DGKK: variants seen among roughly 807,000 people sequenced by gnomAD.
DGKK encodes 142 kDa diacylglycerol kinase.
DGKK carries 35 observed loss-of-function variants against 92.2 expected under a neutral mutation model. The ratio of observed to expected loss-of-function variants is 0.38; its 90% CI spans 0.29 to 0.50. The LOEUF (loss-of-function observed/expected upper bound fraction) is 0.50, where lower values mean the gene tolerates loss of function less well. DGKK is among the 20% of genes least tolerant of loss of function. DGKK has a pLI of 0.92. For missense variants in DGKK, 910 were observed against 992.2 expected, an observed-to-expected ratio of 0.92 and a Z score of 1.11; for synonymous variants, 368 against 360.6, an observed-to-expected ratio of 1.02 and a Z score of -0.23.
chrX:50,410,104 G>T (rs1461054947), intron 4 of DGKK, among the ~76,000 whole-genome samples: 1 of 112,063 alleles, frequency 8.9e-6, no homozygotes, highest in Non-Finnish European at 1.9e-5. Context: ...TGAGAAGTGA[G>T]GAGTACTGCT....
rs1328453890 is a variant in DGKK at position 50,469,168 on chromosome X, G to C, written c.645+866C>G. On this transcript the variant is annotated intron_variant, in intron 1 of 27. Coordinates refer to ENST00000611977, the MANE Select transcript of DGKK (RefSeq NM_001013742.4). Reference sequence around the variant, plus strand: ...AGTGTAACGATTTAGAAGGCGTCGCGGTAGACTGGTAGAGATGAAGGTTCC... The same window carrying C: ...AGTGTAACGATTTAGAAGGCGTCGCCGTAGACTGGTAGAGATGAAGGTTCC... Among the ~76,000 whole-genome samples, 7 of 111,092 alleles carry C rather than the reference G, an allele frequency of 6.3e-5. No individual in the cohort carries two copies. The Admixed American group carries it at 6.7e-4, about 11-fold the overall frequency.
At position 50,390,413 on chromosome X, in the gene DGKK, A is replaced by C. The variant is rs781822849; in HGVS notation, c.1845-4T>G. 1.3e-4 allele frequency: 158 copies of C among 1,203,417 alleles called. 1 individual carries two copies. The South Asian group carries it at 2.7e-3, about 20-fold the overall frequency. On this transcript the variant is annotated splice_region_variant and splice_polypyrimidine_tract_variant and intron_variant, in intron 11 of 27. Coordinates refer to ENST00000611977, the MANE Select transcript of DGKK (RefSeq NM_001013742.4). ...CTCACGAATCATCACACTCCATCTG[A>C]AATGAATTTCAAAGACGGATATTTA...
At chrX:50,459,959 C>G (rs1926703425) in intron 1 of DGKK, among the ~76,000 whole-genome samples, 1 of 112,225 alleles carries the variant, frequency 8.9e-6, no homozygotes, top group African/African-American at 3.2e-5. Context: ...ATATTTTCCT[C>G]TATAGTGCAC....
chrX:50,411,461 T>A (rs1167024779), intron 4 of DGKK, among the ~76,000 whole-genome samples: 1 of 111,874 alleles, frequency 8.9e-6, no homozygotes, highest in Non-Finnish European at 1.9e-5. Flanking sequence ...AGAATTCAAA[T>A]CACATGATAA....
chrX:50,447,383 A>AATATATAT (rs1464958560), intron 1 of DGKK, among the ~76,000 whole-genome samples: 1 of 10,710 alleles, frequency 9.3e-5, no homozygotes, highest in Non-Finnish European at 1.2e-4. Flanking sequence ...ATATATATAT[A>AATATATAT]ATATATATAT....
chrX:50,401,221 C>T lies in DGKK; in HGVS notation c.1309-82G>A. ...ATTGATCAGTCTTGAGTTCCAATAC[C>T]AAGATTTAGATTCTTAGTATTTAAT... On this transcript the variant is annotated intron_variant, in intron 7 of 27. Coordinates refer to ENST00000611977, the MANE Select transcript of DGKK (RefSeq NM_001013742.4). 8 of 867,697 alleles carry T rather than the reference C, an allele frequency of 9.2e-6. No individual in the cohort carries two copies. In the South Asian group the frequency reaches 1.8e-4, roughly 19 times the overall value. 71.5% of individuals were successfully genotyped at this position (867,697 alleles called of 1,213,427 possible). A position where few individuals can be genotyped will look rare whatever the true frequency, so the allele number is the denominator to read the frequency against.
chrX:50,410,218 T>A (rs1309726358), intron 4 of DGKK, among the ~76,000 whole-genome samples: 2 of 111,895 alleles, frequency 1.8e-5, no homozygotes, highest in African/African-American at 6.5e-5. Flanking sequence ...TTGTTCTGAA[T>A]AGAATTTTAA....
At chrX:50,379,158 T>C (rs781943858) in intron 20 of DGKK, among the ~76,000 whole-genome samples, 15 of 110,704 alleles carry the variant, frequency 1.4e-4, no homozygotes, top group Non-Finnish European at 2.3e-4. Context: ...CTGTCTCTAC[T>C]AAAAATACAA....
At chrX:50,386,854 T>A (rs1365017070) in intron 14 of DGKK, among the ~76,000 whole-genome samples, 1 of 111,768 alleles carries the variant, frequency 8.9e-6, no homozygotes, top group African/African-American at 3.3e-5. Flanking sequence ...TATAGCTGAG[T>A]CTTTCTTGTG....
chrX:50,376,272 C>A (rs1924270681), intron 23 of DGKK, 107 bp from the exon 24 acceptor site: 7 of 777,983 alleles, frequency 9.0e-6, no homozygotes. Context: ...CCCTGGGTAC[C>A]TGACTTGGAC....
Position 50,365,885 on chromosome X carries a change from T to C in DGKK, c.*3055A>G, listed in dbSNP as rs1923963398. On this transcript the variant is annotated 3_prime_UTR_variant, in exon 28 of 28. Transcript: ENST00000611977. The stretch of plus-strand genomic sequence containing the variant: ...CTTTCTTATTCTTAACCTGCTCTTA[T>C]GGACACAGCACAGGGCCTTTCTGGA... The C allele has an allele frequency of 8.9e-6, 1 of 111,968 alleles. No homozygotes were observed. The highest frequency in any genetic ancestry group is 3.3e-5 in the African/African-American group (1 of 30,706). The allele number at this position is 111,968 out of a possible 1,213,427, so 9.2% of individuals were successfully genotyped here.
In DGKK at chrX:50,391,592, G is replaced by A. The variant is rs782282747; in HGVS notation, c.1705-16C>T. 21 of 1,208,809 alleles carry A rather than the reference G, an allele frequency of 1.7e-5. No individual in the cohort carries two copies. The African/African-American group carries it at 2.4e-4, about 14-fold the overall frequency. ...CCAACTGACACTGCAAGAACAAAAG[G>A]AGACACCCTTTTCAGACAGTCTTTC... is the stretch of plus-strand genomic sequence containing the variant. On this transcript the variant is annotated splice_polypyrimidine_tract_variant and intron_variant, in intron 10 of 27. Coordinates refer to ENST00000611977, the MANE Select transcript of DGKK (RefSeq NM_001013742.4).
In DGKK at chrX:50,465,130, G is replaced by T. The variant is rs1412700871; in HGVS notation, c.645+4904C>A. On this transcript the variant is annotated intron_variant, in intron 1 of 27. Coordinates refer to ENST00000611977, the MANE Select transcript of DGKK (RefSeq NM_001013742.4). The stretch of plus-strand genomic sequence containing the variant: ...GTCAAATAAAGTTTACAAATTTCAT[G>T]AATATTTTAAGGTTAGAAATACTGT... Among the ~76,000 whole-genome samples, 6 of 111,683 alleles carry T rather than the reference G, an allele frequency of 5.4e-5. No homozygotes were observed. In the Admixed American group the frequency reaches 5.7e-4, roughly 11 times the overall value.
In DGKK at chrX:50,470,583, CG is replaced by C; in HGVS notation, c.95del (p.Pro32ArgfsTer100). 8.3e-7 allele frequency: 1 copy of C among 1,199,711 alleles called. No homozygotes were observed. Among genetic ancestry groups the C allele is most frequent in the Non-Finnish European group, 1.1e-6 (1 of 891,977 alleles). On this transcript the variant is annotated frameshift_variant, in exon 1 of 28. Coordinates refer to ENST00000611977, the MANE Select transcript of DGKK (RefSeq NM_001013742.4). LOFTEE classifies it high-confidence loss of function. ...ESPEPPPPWPPPPPPPAPPPA... is the reference protein window; with the variant it reads ...ESPEPPPPWPXPPPPPAPPPA... ...GCGGCGGAGCCGGTGGTGGTGGCGG[CG>C]GCGGCCAAGGCGGCGGAGGCTCTGG...
intron 1 of DGKK, among the ~76,000 whole-genome samples, chrX:50,449,729 A>G (rs1602301852): frequency 9.0e-6 from 1 of 111,247 alleles, no homozygotes; most frequent in East Asian, 2.9e-4. Context: ...GGGCCCCAAT[A>G]GCACCTACGA....
rs782811726 is a variant in DGKK at position 50,371,740 on chromosome X, G to A, written c.3596C>T (p.Pro1199Leu). 5 of 1,201,728 alleles carry A rather than the reference G, an allele frequency of 4.2e-6. No individual in the cohort carries two copies. Among genetic ancestry groups the A allele is most frequent in the Non-Finnish European group, 5.6e-6 (5 of 888,215 alleles). ...KKLSEIDWMN[P>L]IFVPEEKSSD... ...ATTACGCACCTCTGGAACAAAGATT[G>A]GATTCATCCAGTCAATCTCAGATAG... The change falls in exon 26 of 28, where the codon CCA becomes CTA. Residue 1199 changes from proline (P) to leucine (L), a missense_variant. Pro to Leu is a moderately conservative substitution (Grantham distance 98). Transcript: ENST00000611977.
intron 7 of DGKK, among the ~76,000 whole-genome samples, chrX:50,402,679 A>G (rs1234920163): frequency 3.6e-5 from 4 of 111,721 alleles, no homozygotes; most frequent in African/African-American, 9.8e-5. Flanking sequence ...ATGTGTTAAT[A>G]TTATCAACCA....
intron 7 of DGKK, among the ~76,000 whole-genome samples, chrX:50,402,597 C>T (rs183764788): frequency 1.8e-5 from 2 of 110,939 alleles, no homozygotes; most frequent in Admixed American, 1.9e-4. Context: ...ACAATGAGGC[C>T]CGGTTTAGGC....
chrX:50,371,145 C>T (rs1557223124), intron 26 of DGKK, among the ~76,000 whole-genome samples: 1 of 112,600 alleles, frequency 8.9e-6, no homozygotes, highest in African/African-American at 3.2e-5. Context: ...GTAATTCCAG[C>T]TTAGGCCTGC....
Sources: gnomAD v4.1 joint callset for allele counts (sites outside exome capture counted in the v4.1 genomes callset) on GRCh38, gnomAD v4.1.1 for gene constraint, MANE v1.5 for transcripts, NCBI Gene and HGNC (gene_info 2026-07-23, HGNC 2026-07-21) for gene names.